The following AGBL4 variants were observed in gnomAD, a reference collection of about 807,000 sequenced individuals.
AGBL4 encodes AGBL carboxypeptidase 4.
A neutral mutation model predicts 66.4 loss-of-function variants in AGBL4; 58 were observed. The observed-to-expected ratio is 0.87, with a 90% confidence interval of 0.71 to 1.09. The LOEUF (loss-of-function observed/expected upper bound fraction) is 1.09, where lower values mean the gene tolerates loss of function less well. Ranked by LOEUF, AGBL4 falls within the 50% of genes least tolerant of loss-of-function variation. The pLI, the probability that AGBL4 is intolerant of heterozygous loss-of-function variation, is 0.00. For missense variants in AGBL4, 579 were observed against 631.0 expected, an observed-to-expected ratio of 0.92 and a Z score of 0.88; for synonymous variants, 234 against 222.9, an observed-to-expected ratio of 1.05 and a Z score of -0.44.
chr1:48,900,417 G>A (rs535522587), intron 5 of AGBL4, among the ~76,000 whole-genome samples: 8 of 152,280 alleles, frequency 5.3e-5, no homozygotes, highest in African/African-American at 1.9e-4. Flanking sequence ...AAAATGCAAA[G>A]GACCTAGAAT....
chr1:49,264,712 A>G lies in AGBL4; in HGVS notation c.283-18848T>C, dbSNP rs1024963794. Among the ~76,000 whole-genome samples the G allele has an allele frequency of 7.9e-5, 12 of 152,042 alleles. No individual in the cohort carries two copies. In the East Asian group the frequency reaches 1.6e-3, roughly 20 times the overall value. On this transcript the variant is annotated intron_variant, in intron 3 of 13. Coordinates refer to ENST00000371839, the MANE Select transcript of AGBL4 (RefSeq NM_032785.4). Reference sequence around the variant, plus strand: ...AGTCGCATATCACCACACCCGGCTAATTTTTGTATTTTAGTAGAGATGGCG... The same window carrying G: ...AGTCGCATATCACCACACCCGGCTAGTTTTTGTATTTTAGTAGAGATGGCG...
At chr1:49,255,722 T>A (rs1307925626) in intron 3 of AGBL4, among the ~76,000 whole-genome samples, 1 of 152,164 alleles carries the variant, frequency 6.6e-6, no homozygotes, top group Non-Finnish European at 1.5e-5. Flanking sequence ...CATGTGTTCA[T>A]TGCAGCACTG....
chr1:48,575,504 T>C (rs972521063), intron 11 of AGBL4, among the ~76,000 whole-genome samples: 3 of 152,124 alleles, frequency 2.0e-5, no homozygotes, highest in Admixed American at 2.0e-4. Flanking sequence ...CTGGTGTGGT[T>C]GTGGGTCACT....
intron 1 of AGBL4, among the ~76,000 whole-genome samples, chr1:49,898,806 T>C (rs1383920096): frequency 6.6e-6 from 1 of 152,214 alleles, no homozygotes; most frequent in African/African-American, 2.4e-5. Flanking sequence ...TGAGATCCTG[T>C]CATTTGCATC....
intron 4 of AGBL4, among the ~76,000 whole-genome samples, chr1:49,132,891 A>G (rs1645928308): frequency 6.6e-6 from 1 of 152,218 alleles, no homozygotes; most frequent in South Asian, 2.1e-4. Flanking sequence ...ATTACTGGGA[A>G]TATACCGAAA....
chr1:49,448,213 T>C (rs981551301), intron 3 of AGBL4, among the ~76,000 whole-genome samples: 4 of 152,198 alleles, frequency 2.6e-5, no homozygotes, highest in Admixed American at 6.5e-5. Context: ...CTACTTGCTT[T>C]AACAATTATG....
At chr1:49,491,656 G>A (rs1401307289) in intron 3 of AGBL4, among the ~76,000 whole-genome samples, 5 of 151,872 alleles carry the variant, frequency 3.3e-5, no homozygotes, top group African/African-American at 1.2e-4. Context: ...AGAAAAGGCT[G>A]GCTTAATCAA....
At chr1:48,723,116 C>G (rs888455152) in intron 6 of AGBL4, among the ~76,000 whole-genome samples, 1 of 152,182 alleles carries the variant, frequency 6.6e-6, no homozygotes, top group Non-Finnish European at 1.5e-5. Flanking sequence ...GCCTGCCACA[C>G]ATGCAAAATG....
chr1:49,213,502 C>CA (rs1648835913), intron 4 of AGBL4, among the ~76,000 whole-genome samples: 1 of 151,982 alleles, frequency 6.6e-6, no homozygotes, highest in African/African-American at 2.4e-5. Context: ...CACCTCCCCC[C>CA]ACCCTTGCTC....
intron 2 of AGBL4, among the ~76,000 whole-genome samples, chr1:49,827,213 G>C (rs141159018): frequency 1.3e-5 from 2 of 152,066 alleles, no homozygotes; most frequent in Admixed American, 6.6e-5. Flanking sequence ...TATATCAGTA[G>C]CAATGAAATT....
intron 3 of AGBL4, among the ~76,000 whole-genome samples, chr1:49,599,620 T>C (rs917671282): frequency 6.6e-6 from 1 of 152,206 alleles, no homozygotes; most frequent in Non-Finnish European, 1.5e-5. Context: ...CCTTCAGTTC[T>C]GCTCTGATCT....
In AGBL4 at chr1:49,245,689, T is replaced by C. The variant is rs1023380416; in HGVS notation, c.377+81A>G. 18 of 901,712 alleles carry C rather than the reference T, an allele frequency of 2.0e-5. No individual in the cohort carries two copies. The Admixed American group carries it at 2.3e-4, about 11-fold the overall frequency. 55.9% of individuals were successfully genotyped at this position (901,712 alleles called of 1,614,324 possible). ...TTTTATTTTTAATTTTTTTTGGGGG[T>C]CCATTAGTAGGTGTGTATATGTATG... On this transcript the variant is annotated intron_variant, in intron 4 of 13. Coordinates refer to ENST00000371839, the MANE Select transcript of AGBL4 (RefSeq NM_032785.4).
intron 2 of AGBL4, among the ~76,000 whole-genome samples, chr1:49,794,057 A>C (rs1297741875): frequency 6.6e-6 from 1 of 151,964 alleles, no homozygotes; most frequent in Non-Finnish European, 1.5e-5. Context: ...TTTTCAGGAA[A>C]GTAGTGAGTA....
intron 4 of AGBL4, among the ~76,000 whole-genome samples, chr1:49,130,578 C>T (rs1054366128): frequency 3.9e-5 from 6 of 152,182 alleles, no homozygotes; most frequent in African/African-American, 1.4e-4. Context: ...GGAATCCTTT[C>T]CCCATTGCTT....
At chr1:49,955,221 G>A (rs1020229921) in intron 1 of AGBL4, among the ~76,000 whole-genome samples, 5 of 151,854 alleles carry the variant, frequency 3.3e-5, no homozygotes, top group African/African-American at 1.2e-4. Flanking sequence ...CTGTTTCAAG[G>A]TTGAGAAATA....
At chr1:49,349,927 C>T (rs1645715081) in intron 3 of AGBL4, among the ~76,000 whole-genome samples, 1 of 152,138 alleles carries the variant, frequency 6.6e-6, no homozygotes, top group Admixed American at 6.5e-5. Flanking sequence ...CAGCTATCTA[C>T]AAGCCAGGGA....
At chr1:49,493,951 C>A (rs1311542777) in intron 3 of AGBL4, among the ~76,000 whole-genome samples, 2 of 151,868 alleles carry the variant, frequency 1.3e-5, no homozygotes, top group South Asian at 4.2e-4. Flanking sequence ...AACAACATCC[C>A]TCTGATGGCA....
intron 4 of AGBL4, among the ~76,000 whole-genome samples, chr1:49,235,727 C>T (rs560505843): frequency 6.6e-6 from 1 of 152,244 alleles, no homozygotes; most frequent in South Asian, 2.1e-4. Flanking sequence ...AAGAGGATGG[C>T]CTACATCTTC....
chr1:48,682,612 C>G (rs1456775231), intron 6 of AGBL4, among the ~76,000 whole-genome samples: 1 of 152,096 alleles, frequency 6.6e-6, no homozygotes, highest in Non-Finnish European at 1.5e-5. Flanking sequence ...AGGCTGGTCT[C>G]AAACTCCTGG....
Sources: allele counts gnomAD v4.1 joint callset (sites outside exome capture counted in the v4.1 genomes callset), GRCh38; gene constraint gnomAD v4.1.1; transcripts MANE v1.5; gene names NCBI Gene and HGNC (gene_info 2026-07-23, HGNC 2026-07-21).